Variants in NPAS3 observed in about 807,000 individuals in gnomAD.
NPAS3 encodes neuronal PAS domain-containing protein 3.
A neutral mutation model predicts 73.1 loss-of-function variants in NPAS3; 14 were observed. That is an observed-to-expected ratio of 0.19 (90% confidence interval 0.13 to 0.30). The LOEUF (loss-of-function observed/expected upper bound fraction) is 0.30, where lower values mean the gene tolerates loss of function less well. Ranked by LOEUF, NPAS3 falls within the 10% of genes least tolerant of loss-of-function variation. The pLI is 1.00. For synonymous variants in NPAS3, 620 were observed against 541.5 expected (o/e 1.14, Z -2.01); for missense variants, 1,096 against 1,250.0 (o/e 0.88, Z 1.86).
At chr14:33,038,663 A>G (rs1424089385) in intron 1 of NPAS3, among the ~76,000 whole-genome samples, 1 of 152,170 alleles carries the variant, frequency 6.6e-6, no homozygotes, top group East Asian at 1.9e-4. Flanking sequence ...GCTGTAGTAT[A>G]TGTTGGGTAC....
chr14:33,171,826 T>A (rs1182552868), intron 2 of NPAS3, among the ~76,000 whole-genome samples: 2 of 152,238 alleles, frequency 1.3e-5, no homozygotes, highest in Non-Finnish European at 2.9e-5. Context: ...GACGTGCCTT[T>A]CTCACTAAGC....
Position 33,022,393 on chromosome 14 carries a change from G to A in NPAS3, c.51-33512G>A, listed in dbSNP as rs530515454. ...AAAAATATTACTTTTGGCTGGGCGC[G>A]GTGGCTCACGCCTGTAATCCCAGCA... is the stretch of plus-strand genomic sequence containing the variant. On this transcript the variant is annotated intron_variant, in intron 1 of 11. Transcript: ENST00000356141. 3.4e-4 allele frequency among the ~76,000 whole-genome samples: 51 copies of A among 152,170 alleles called. 2 individuals are homozygous for A. In the South Asian group the frequency reaches 8.3e-3, roughly 25 times the overall value.
chr14:33,583,410 C>CT (rs1483828887), intron 5 of NPAS3: 1 of 152,144 alleles, frequency 6.6e-6, no homozygotes, highest in Non-Finnish European at 1.5e-5. Flanking sequence ...ATTGGGGTAA[C>CT]TATAAATCAG....
At chr14:33,799,599 C>G (rs1255903412) in intron 11 of NPAS3, 135 bp from the exon 12 acceptor site, 3 of 837,594 alleles carry the variant, frequency 3.6e-6, no homozygotes, top group African/African-American at 1.7e-5. Flanking sequence ...TGGAGAAGCC[C>G]GTGATGAGGA....
rs2063541151 is a variant in NPAS3, at chr14:33,797,337, T to C, written c.1302-120T>C. 6.4e-6 allele frequency: 7 copies of C among 1,086,002 alleles called. No individual in the cohort carries two copies. In the Admixed American group the frequency reaches 1.2e-4, roughly 18 times the overall value. The allele number at this position is 1,086,002 out of a possible 1,614,324, so 67.3% of individuals were successfully genotyped here. ...GAAGAGCTGAGAAATGATTTCATGT[T>C]TAGTCTTTGAAACTTTCTAAACTCC... On this transcript the variant is annotated intron_variant, in intron 10 of 11. Coordinates refer to ENST00000356141, the Ensembl canonical transcript of NPAS3.
chr14:33,358,544 C>A (rs543769137), intron 3 of NPAS3, among the ~76,000 whole-genome samples: 1 of 152,278 alleles, frequency 6.6e-6, no homozygotes, highest in South Asian at 2.1e-4. Flanking sequence ...TCACTCCATA[C>A]TCCGGTTCTG....
intron 4 of NPAS3, among the ~76,000 whole-genome samples, chr14:33,435,639 C>G (rs2048957025): frequency 6.6e-6 from 1 of 152,124 alleles, no homozygotes; most frequent in Non-Finnish European, 1.5e-5. Flanking sequence ...CCATAGGCTT[C>G]CAAGTTCTAG....
chr14:33,747,178 G>C lies in NPAS3; in HGVS notation c.852+11846G>C, dbSNP rs527312072. On this transcript the variant is annotated intron_variant, in intron 7 of 11. Coordinates refer to ENST00000356141, the Ensembl canonical transcript of NPAS3. ...GCATTATTCACAATAGCAAAGACTTGGAACCAACCCAAATGTCCAACAATG... is the reference window on the plus strand; with the variant it reads ...GCATTATTCACAATAGCAAAGACTTCGAACCAACCCAAATGTCCAACAATG... 3.3e-5 allele frequency among the ~76,000 whole-genome samples: 5 copies of C among 151,972 alleles called. No individual in the cohort carries two copies. The South Asian group carries it at 1.0e-3, about 32-fold the overall frequency.
intron 7 of NPAS3, among the ~76,000 whole-genome samples, chr14:33,754,798 G>A (rs571163572): frequency 6.6e-6 from 1 of 152,258 alleles, no homozygotes; most frequent in African/African-American, 2.4e-5. Flanking sequence ...TGTAGACATG[G>A]TGTTTGACTA....
intron 4 of NPAS3, among the ~76,000 whole-genome samples, chr14:33,486,176 G>A (rs2051585587): frequency 6.6e-6 from 1 of 151,184 alleles, no homozygotes; most frequent in South Asian, 2.1e-4. Flanking sequence ...ACAAAGTCAT[G>A]TATGGACTGG....
intron 1 of NPAS3, among the ~76,000 whole-genome samples, chr14:33,008,922 G>A (rs1426560854): frequency 6.6e-6 from 1 of 152,088 alleles, no homozygotes; most frequent in Non-Finnish European, 1.5e-5. Context: ...ATTTTGATAG[G>A]GAAGCTTATT....
chr14:33,536,146 C>G (rs184586677), intron 4 of NPAS3, among the ~76,000 whole-genome samples: 1 of 152,238 alleles, frequency 6.6e-6, no homozygotes, highest in East Asian at 1.9e-4. Context: ...AGCTCCCTAC[C>G]GTTCCACAGC....
At chr14:33,655,268 G>C (rs1246237321) in intron 5 of NPAS3, among the ~76,000 whole-genome samples, 1 of 150,050 alleles carries the variant, frequency 6.7e-6, no homozygotes, top group South Asian at 2.1e-4. Context: ...CCTGTGACCA[G>C]CTCAAGCTGA....
At chr14:33,683,015 T>G (rs1595432005) in intron 6 of NPAS3, among the ~76,000 whole-genome samples, 1 of 151,182 alleles carries the variant, frequency 6.6e-6, no homozygotes. Context: ...AGAGAAGATG[T>G]TGGATCTTGG....
intron 4 of NPAS3, among the ~76,000 whole-genome samples, chr14:33,471,996 A>G (rs2050805494): frequency 6.6e-6 from 1 of 152,240 alleles, no homozygotes; most frequent in South Asian, 2.1e-4. Flanking sequence ...TCCTTATTAG[A>G]ATCTAATGGC....
chr14:33,799,759 C>A (rs778705946), exon 12 of NPAS3: 1 of 1,587,598 alleles, frequency 6.3e-7, no homozygotes. Context: ...CCAAGTCCGA[C>A]GAGAAGGGGA....
chr14:33,117,873 A>G (rs1015274012), intron 2 of NPAS3, among the ~76,000 whole-genome samples: 2 of 152,096 alleles, frequency 1.3e-5, no homozygotes, highest in African/African-American at 4.8e-5. Context: ...TGTGTCAGTG[A>G]CTCATTTTTC....
At chr14:33,128,190 G>A (rs560521431) in intron 2 of NPAS3, among the ~76,000 whole-genome samples, 1 of 152,166 alleles carries the variant, frequency 6.6e-6, no homozygotes, top group South Asian at 2.1e-4. Flanking sequence ...GGAAGGTTTA[G>A]GACATCTAAA....
intron 4 of NPAS3, among the ~76,000 whole-genome samples, chr14:33,458,269 A>T (rs2050109514): frequency 6.6e-6 from 1 of 152,286 alleles, no homozygotes; most frequent in African/African-American, 2.4e-5. Context: ...AGAAATATTT[A>T]GAAAGAAATT....
Sources: allele counts gnomAD v4.1 joint callset (sites outside exome capture counted in the v4.1 genomes callset), GRCh38; gene constraint gnomAD v4.1.1; transcripts MANE v1.5; gene names NCBI Gene and HGNC (gene_info 2026-07-23, HGNC 2026-07-21).